NAALADL2: variants seen among roughly 807,000 people sequenced by gnomAD.
NAALADL2 encodes the protein N-acetylated alpha-linked acidic dipeptidase like 2, also known as inactive N-acetylated-alpha-linked acidic dipeptidase-like protein 2.
A neutral mutation model predicts 87.2 loss-of-function variants in NAALADL2; 76 were observed. The observed-to-expected ratio is 0.87, with a 90% confidence interval of 0.72 to 1.05. The LOEUF (loss-of-function observed/expected upper bound fraction) is 1.05, where lower values mean the gene tolerates loss of function less well. Among genes scored for constraint, NAALADL2 ranks in the 50% least tolerant of loss-of-function variants. The pLI, the probability that NAALADL2 is intolerant of heterozygous loss-of-function variation, is 0.00. For missense variants in NAALADL2, 1,089 were observed against 945.8 expected (o/e 1.15, Z -1.99); for synonymous variants, 354 against 331.0 (o/e 1.07, Z -0.75).
chr3:174,794,623 G>A (rs1033740883), intron 3 of NAALADL2, among the ~76,000 whole-genome samples: 7 of 152,104 alleles, frequency 4.6e-5, no homozygotes, highest in South Asian at 2.1e-4. Context: ...CTTATTAAAT[G>A]TTAGACACTA....
chr3:175,276,159 A>G (rs1270501319), intron 4 of NAALADL2, among the ~76,000 whole-genome samples: 1 of 151,482 alleles, frequency 6.6e-6, no homozygotes, highest in African/African-American at 2.4e-5. Context: ...AAATTATGAT[A>G]AAGTACTTTT....
intron 2 of NAALADL2, among the ~76,000 whole-genome samples, chr3:174,592,389 G>C (rs556819985): frequency 3.7e-4 from 56 of 152,140 alleles, no homozygotes; most frequent in African/African-American, 1.3e-3. Flanking sequence ...TTTAGCATTA[G>C]GTATATCTCA....
chr3:175,571,417 C>T (rs1409011544), intron 9 of NAALADL2, among the ~76,000 whole-genome samples: 1 of 152,130 alleles, frequency 6.6e-6, no homozygotes, highest in Non-Finnish European at 1.5e-5. Flanking sequence ...ATTTACTCAG[C>T]CTTGTAAATA....
intron 5 of NAALADL2, among the ~76,000 whole-genome samples, chr3:175,368,388 T>G (rs532175023): frequency 6.6e-6 from 1 of 152,010 alleles, no homozygotes; most frequent in Non-Finnish European, 1.5e-5. Flanking sequence ...GTTAGGGAGG[T>G]TTCCCTCTTT....
chr3:174,714,295 G>T (rs542052153), intron 2 of NAALADL2, among the ~76,000 whole-genome samples: 2 of 152,042 alleles, frequency 1.3e-5, no homozygotes, highest in Admixed American at 1.3e-4. Flanking sequence ...CTCTTTTTTG[G>T]TTCCATATGA....
At chr3:174,767,171 G>A (rs1578846555) in intron 3 of NAALADL2, among the ~76,000 whole-genome samples, 1 of 152,142 alleles carries the variant, frequency 6.6e-6, no homozygotes, top group East Asian at 1.9e-4. Context: ...GCACAACTGA[G>A]CACTTCAGTG....
At chr3:174,443,382 G>A (rs999174921) in intron 1 of NAALADL2, among the ~76,000 whole-genome samples, 1 of 152,162 alleles carries the variant, frequency 6.6e-6, no homozygotes, top group Non-Finnish European at 1.5e-5. Flanking sequence ...GAATGTGAGA[G>A]CAAAAGAAAT....
intron 2 of NAALADL2, among the ~76,000 whole-genome samples, chr3:175,100,533 T>C (rs1721956221): frequency 6.6e-6 from 1 of 152,096 alleles, no homozygotes; most frequent in East Asian, 1.9e-4. Flanking sequence ...CACAAGCTAG[T>C]TGCTGATAAA....
At chr3:175,148,126 A>AATAAT (rs1580695892) in intron 2 of NAALADL2, among the ~76,000 whole-genome samples, 3 of 116,936 alleles carry the variant, frequency 2.6e-5, no homozygotes, top group East Asian at 2.8e-4. Flanking sequence ...ATAATAATAA[A>AATAAT]ATAATAATAA....
At chr3:174,450,020 T>TACATACACACAC (rs916372185) in intron 1 of NAALADL2, among the ~76,000 whole-genome samples, 1 of 148,888 alleles carries the variant, frequency 6.7e-6, no homozygotes, top group African/African-American at 2.5e-5. Context: ...AACACATACA[T>TACATACACACAC]ACACACACAC....
At chr3:174,610,580 G>T (rs149898710) in intron 2 of NAALADL2, among the ~76,000 whole-genome samples, 23,936 of 151,980 alleles carry the variant, frequency 0.16, 2,164 homozygotes, top group African/African-American at 0.23. Context: ...CACCATCACT[G>T]GCCATCAGAG....
intron 6 of NAALADL2, among the ~76,000 whole-genome samples, chr3:175,449,012 G>A (rs1372964642): frequency 6.6e-6 from 1 of 152,042 alleles, no homozygotes. Context: ...CACCATAACT[G>A]GATTAATTTT....
rs375776165 is a variant in NAALADL2 at position 174,785,027 on chromosome 3, TTTTATC to T, written c.-9+47285_-9+47290del. Among the ~76,000 whole-genome samples the T allele has an allele frequency of 1.2e-3, 181 of 152,284 alleles. 1 individual carries two copies. Among genetic ancestry groups the T allele is most frequent in the African/African-American group, 3.9e-3 (163 of 41,568 alleles). ...AATTTAATTTTTAATTTTGTTATAATTTTATCTTTTATTTTAGATTCACGGGGTACA... is the reference window on the plus strand; with the variant it reads ...AATTTAATTTTTAATTTTGTTATAATTTTTATTTTAGATTCACGGGGTACA... On this transcript the variant is annotated intron_variant, in intron 3 of 3. Transcript: ENST00000434257.
At chr3:175,283,557 A>G (rs556746692) in intron 4 of NAALADL2, among the ~76,000 whole-genome samples, 1 of 152,252 alleles carries the variant, frequency 6.6e-6, no homozygotes, top group Admixed American at 6.5e-5. Flanking sequence ...AGAAAAAAAT[A>G]ATTTATCATT....
At chr3:175,157,521 A>C (rs1247518585) in intron 2 of NAALADL2, among the ~76,000 whole-genome samples, 4 of 152,098 alleles carry the variant, frequency 2.6e-5, no homozygotes, top group African/African-American at 9.7e-5. Flanking sequence ...GTATATCTGT[A>C]AAATTTACAA....
At chr3:175,404,271 T>C (rs1170897114) in intron 5 of NAALADL2, among the ~76,000 whole-genome samples, 1 of 152,128 alleles carries the variant, frequency 6.6e-6, no homozygotes, top group Non-Finnish European at 1.5e-5. Context: ...CAATCCTAGA[T>C]AAATAGCATG....
chr3:174,649,437 C>T (rs1724137271), intron 2 of NAALADL2, among the ~76,000 whole-genome samples: 1 of 152,116 alleles, frequency 6.6e-6, no homozygotes, highest in South Asian at 2.1e-4. Context: ...TTTTCCATTA[C>T]ATCCTTATGC....
chr3:174,910,518 T>C (rs931217547), intron 1 of NAALADL2, among the ~76,000 whole-genome samples: 2 of 152,042 alleles, frequency 1.3e-5, no homozygotes, highest in South Asian at 4.1e-4. Flanking sequence ...TAGTGAGTTT[T>C]ATTTAGTGAA....
intron 2 of NAALADL2, among the ~76,000 whole-genome samples, chr3:174,713,995 A>G (rs918053326): frequency 6.6e-6 from 1 of 152,262 alleles, no homozygotes; most frequent in East Asian, 1.9e-4. Flanking sequence ...TGAGGAAGGG[A>G]TCCAGTTTCA....
Sources: allele counts gnomAD v4.1 joint callset (sites outside exome capture counted in the v4.1 genomes callset), GRCh38; gene constraint gnomAD v4.1.1; transcripts MANE v1.5; gene names NCBI Gene and HGNC (gene_info 2026-07-23, HGNC 2026-07-21).